Variants in RORB observed in about 807,000 individuals in gnomAD.
The protein encoded by RORB is nuclear receptor ROR-beta.
Under a neutral mutation model 59.1 loss-of-function variants are expected in RORB, and 6 were observed. The observed-to-expected ratio is 0.10, with a 90% CI of 0.06 to 0.20. The LOEUF (loss-of-function observed/expected upper bound fraction) is 0.20, where lower values mean the gene tolerates loss of function less well. Ranked by LOEUF, RORB falls within the 10% of genes least tolerant of loss-of-function variation. The pLI, the probability that RORB is intolerant of heterozygous loss-of-function variation, is 1.00. For missense variants in RORB, 320 were observed against 560.5 expected (o/e 0.57, Z 4.33); for synonymous variants, 215 against 204.5 (o/e 1.05, Z -0.44).
intron 1 of RORB, among the ~76,000 whole-genome samples, chr9:74,513,271 TAGTC>T (rs1825964442): frequency 6.6e-6 from 1 of 152,026 alleles, no homozygotes; most frequent in African/African-American, 2.4e-5. Context: ...TAGTAAATAA[TAGTC>T]AAGCAAAAGT....
intron 1 of RORB, among the ~76,000 whole-genome samples, chr9:74,609,443 C>CT (rs1361314579): frequency 6.6e-6 from 1 of 151,916 alleles, no homozygotes; most frequent in African/African-American, 2.4e-5. Context: ...CACAAAATTT[C>CT]TTTTTTTTCT....
chr9:74,610,834 GC>G (rs1364305306), intron 1 of RORB, among the ~76,000 whole-genome samples: 1 of 152,160 alleles, frequency 6.6e-6, no homozygotes, highest in Non-Finnish European at 1.5e-5. Context: ...GTTGAGCTCA[GC>G]CCCCAGAGTC....
intron 1 of RORB, among the ~76,000 whole-genome samples, chr9:74,585,986 G>T (rs1199385954): frequency 6.6e-6 from 1 of 151,632 alleles, no homozygotes; most frequent in Non-Finnish European, 1.5e-5. Flanking sequence ...AGTAGAGACA[G>T]GGTTTCACCG....
intron 1 of RORB, among the ~76,000 whole-genome samples, chr9:74,586,493 G>T (rs1822801103): frequency 6.6e-6 from 1 of 151,876 alleles, no homozygotes; most frequent in Admixed American, 6.6e-5. Context: ...ATGAGAACCT[G>T]TCTGAAAAGA....
At chr9:74,570,350 C>G (rs891725195) in intron 1 of RORB, among the ~76,000 whole-genome samples, 8 of 151,734 alleles carry the variant, frequency 5.3e-5, no homozygotes, top group African/African-American at 1.4e-4. Context: ...GCTGATGCAC[C>G]CATAAAAAAA....
chr9:74,632,818 G>T (rs2118425947), intron 2 of RORB, among the ~76,000 whole-genome samples: 1 of 152,218 alleles, frequency 6.6e-6, no homozygotes, highest in East Asian at 1.9e-4. Flanking sequence ...TATGCTTCCT[G>T]ACAGTTTTCA....
At chr9:74,600,092 G>C (rs1823031567) in intron 1 of RORB, among the ~76,000 whole-genome samples, 1 of 152,070 alleles carries the variant, frequency 6.6e-6, no homozygotes, top group Non-Finnish European at 1.5e-5. Context: ...ATGACACTTA[G>C]GGCCGCTCTG....
At chr9:74,498,199 G>C in intron 1 of RORB, 1 of 612,900 alleles carries the variant, frequency 1.6e-6, no homozygotes. Flanking sequence ...GGACGCGGGA[G>C]GGCGCTTTTT....
intron 8 of RORB, among the ~76,000 whole-genome samples, chr9:74,668,717 C>G (rs1045078788): frequency 6.6e-6 from 1 of 152,136 alleles, no homozygotes; most frequent in Non-Finnish European, 1.5e-5. Flanking sequence ...AGGTCTTCAT[C>G]ATGGTCGTCT....
chr9:74,512,991 C>A (rs1454713416), intron 1 of RORB, among the ~76,000 whole-genome samples: 1 of 152,080 alleles, frequency 6.6e-6, no homozygotes. Context: ...TCGTCTTTTG[C>A]AAGTCAGGTA....
Position 74,630,270 on chromosome 9 carries a change from T to C in RORB, c.8-12T>C. The stretch of plus-strand genomic sequence containing the variant: ...CATCTGTATGCTCAAAATGTCTGTT[T>C]TCTCCTTTCAGCACAAATTGAAGTG... On this transcript the variant is annotated splice_polypyrimidine_tract_variant and intron_variant, in intron 1 of 9. Coordinates refer to ENST00000376896, the MANE Select transcript of RORB (RefSeq NM_006914.4). The C allele has an allele frequency of 1.2e-6, 2 of 1,611,966 alleles. No individual in the cohort carries two copies. Among genetic ancestry groups the C allele is most frequent in the Admixed American group, 3.3e-5 (2 of 59,974 alleles).
intron 1 of RORB, among the ~76,000 whole-genome samples, chr9:74,511,972 G>A (rs1308567546): frequency 1.3e-5 from 2 of 151,052 alleles, no homozygotes; most frequent in Admixed American, 6.6e-5. Context: ...ACTAGAAATG[G>A]CAATAATAAA....
intron 1 of RORB, among the ~76,000 whole-genome samples, chr9:74,529,625 T>A (rs769889773): frequency 2.0e-5 from 3 of 151,752 alleles, no homozygotes; most frequent in Non-Finnish European, 4.4e-5. Flanking sequence ...ATAGTATGTT[T>A]GAAAGAGCTA....
At chr9:74,669,970 T>C (rs1824322954) in intron 8 of RORB, among the ~76,000 whole-genome samples, 1 of 152,232 alleles carries the variant, frequency 6.6e-6, no homozygotes, top group South Asian at 2.1e-4. Flanking sequence ...CTGTTTTTTA[T>C]TTAACCACTT....
At chr9:74,631,607 G>A (rs1174149834) in intron 2 of RORB, among the ~76,000 whole-genome samples, 2 of 152,126 alleles carry the variant, frequency 1.3e-5, no homozygotes, top group Non-Finnish European at 2.9e-5. Flanking sequence ...ATTAAAACTG[G>A]AGTGAAGAAA....
At chr9:74,547,568 TG>T (rs1164619125) in intron 1 of RORB, among the ~76,000 whole-genome samples, 3 of 152,176 alleles carry the variant, frequency 2.0e-5, no homozygotes, top group Non-Finnish European at 4.4e-5. Flanking sequence ...TGATGATATT[TG>T]TACCCAGATC....
At chr9:74,561,171 C>T (rs1822392050) in intron 1 of RORB, among the ~76,000 whole-genome samples, 1 of 151,996 alleles carries the variant, frequency 6.6e-6, no homozygotes, top group Admixed American at 6.6e-5. Context: ...TCTCCAACTT[C>T]CTGAGAGGTC....
At chr9:74,614,727 TAAGTA>T (rs1823284814) in intron 1 of RORB, among the ~76,000 whole-genome samples, 1 of 150,016 alleles carries the variant, frequency 6.7e-6, no homozygotes, top group African/African-American at 2.5e-5. Flanking sequence ...TGAGCAACTC[TAAGTA>T]AAGTTAAATA....
intron 5 of RORB, among the ~76,000 whole-genome samples, chr9:74,661,727 C>T (rs1824186952): frequency 7.0e-6 from 1 of 141,950 alleles, no homozygotes; most frequent in Non-Finnish European, 1.5e-5. Flanking sequence ...TCACTGCAAG[C>T]TCCACCTCCC....
Sources: gnomAD v4.1 joint callset for allele counts (sites outside exome capture counted in the v4.1 genomes callset) on GRCh38, gnomAD v4.1.1 for gene constraint, MANE v1.5 for transcripts, NCBI Gene and HGNC (gene_info 2026-07-23, HGNC 2026-07-21) for gene names.